The following LRRC40 variants were observed in gnomAD, a reference collection of about 807,000 sequenced individuals.
The protein encoded by LRRC40 is leucine-rich repeat-containing protein 40.
LRRC40 carries 76 observed loss-of-function variants against 72.8 expected under a neutral mutation model. The observed-to-expected ratio is 1.04, with a 90% CI of 0.87 to 1.26. The LOEUF is 1.26. Ranked by LOEUF, LRRC40 falls within the 50% of genes most tolerant of loss-of-function variation. The pLI is 0.00. For synonymous variants in LRRC40, 243 were observed against 254.2 expected (o/e 0.96, Z 0.42); for missense variants, 684 against 698.9 (o/e 0.98, Z 0.24).
intron 1 of LRRC40, 131 bp from the exon 2 acceptor site, chr1:70,189,404 AAAAT>A: frequency 2.8e-6 from 2 of 724,676 alleles, no homozygotes. Context: ...TCTAAAACAA[AAAAT>A]AAGTTAAATA....
At chr1:70,181,008 CTA>C in intron 5 of LRRC40, 76 bp downstream of exon 5, 5 of 1,065,436 alleles carry the variant, frequency 4.7e-6, no homozygotes, top group Non-Finnish European at 6.5e-6. Flanking sequence ...TTCTCTGTAA[CTA>C]TATTAAAAAT....
rs149347538 is a variant in LRRC40, at chr1:70,190,502, A to T, written c.152-1229T>A. On this transcript the variant is annotated intron_variant, in intron 1 of 14. Coordinates refer to ENST00000370952, the MANE Select transcript of LRRC40 (RefSeq NM_017768.5). ...TTGAGACCAGCCTAGGCATCAAAGA[A>T]AAACCATATCTCTTAAAAAAAAAAA... 2.8e-3 allele frequency among the ~76,000 whole-genome samples: 419 copies of T among 151,256 alleles called. 3 individuals are homozygous for T. The highest frequency in any genetic ancestry group is 9.8e-3 in the African/African-American group (403 of 41,036).
intron 9 of LRRC40, among the ~76,000 whole-genome samples, chr1:70,165,417 T>G (rs1667860553): frequency 1.3e-5 from 2 of 152,348 alleles, no homozygotes; most frequent in Non-Finnish European, 2.9e-5. Flanking sequence ...GTGGACCACA[T>G]TTCTACATTT....
chr1:70,194,523 C>G (rs1668567244), intron 1 of LRRC40, among the ~76,000 whole-genome samples: 2 of 152,054 alleles, frequency 1.3e-5, no homozygotes. Context: ...CTTATAGATT[C>G]AGCACAATCC....
At chr1:70,163,384 G>A (rs1667808524) in intron 9 of LRRC40, among the ~76,000 whole-genome samples, 1 of 152,088 alleles carries the variant, frequency 6.6e-6, no homozygotes, top group African/African-American at 2.4e-5. Flanking sequence ...ACCACCCCCA[G>A]CCTGCATTCC....
intron 4 of LRRC40, among the ~76,000 whole-genome samples, chr1:70,181,990 T>C (rs1233372823): frequency 6.6e-6 from 1 of 151,994 alleles, no homozygotes; most frequent in African/African-American, 2.4e-5. Context: ...ATGGCAACAA[T>C]GAATAAGATT....
intron 10 of LRRC40, among the ~76,000 whole-genome samples, chr1:70,158,127 A>AT (rs397935616): frequency 6.8e-6 from 1 of 146,698 alleles, no homozygotes; most frequent in East Asian, 2.1e-4. Context: ...AAAAAAAAAA[A>AT]GCTAAGTTGC....
chr1:70,181,640 T>G (rs1166230066), intron 4 of LRRC40, among the ~76,000 whole-genome samples: 1 of 151,838 alleles, frequency 6.6e-6, no homozygotes, highest in Non-Finnish European at 1.5e-5. Flanking sequence ...AAAGAAAAAT[T>G]CCTGAGAAAA....
rs575268196 is a variant in LRRC40 at position 70,164,845 on chromosome 1, A to T, written c.1112-5407T>A. 3.3e-3 allele frequency among the ~76,000 whole-genome samples: 496 copies of T among 152,362 alleles called. 6 individuals are homozygous for T. The highest frequency in any genetic ancestry group is 0.031 in the South Asian group (150 of 4,828). On this transcript the variant is annotated intron_variant, in intron 9 of 14. Coordinates refer to ENST00000370952, the MANE Select transcript of LRRC40 (RefSeq NM_017768.5). ...TTATAAACAATAAAAACAAATTTTT[A>T]AATTATAGTCCATTGATATTTACCT...
In LRRC40 at chr1:70,175,958, T is replaced by C. The variant is rs751171510; in HGVS notation, c.829A>G (p.Ile277Val). ...LKELHVGENQ[I>V]EMLEAEHLKH... ...AGATGTTCTGCCTCTAACATTTCAA[T>C]CTGGTTTTCACCTACGTGCAATTCC... is the stretch of plus-strand genomic sequence containing the variant. The change falls in exon 7 of 15, where the codon ATT (isoleucine) becomes GTT (valine). Residue 277 changes from isoleucine (I) to valine (V), a missense_variant. Transcript: ENST00000370952. 3.8e-6 allele frequency: 6 copies of C among 1,581,474 alleles called. No individual in the cohort carries two copies. The South Asian group carries it at 7.1e-5, about 19-fold the overall frequency.
chr1:70,172,314 G>A (rs145571934), intron 9 of LRRC40, among the ~76,000 whole-genome samples: 2 of 152,196 alleles, frequency 1.3e-5, no homozygotes, highest in Non-Finnish European at 2.9e-5. Context: ...AGCCCAAACT[G>A]ACTAAACAAC....
intron 9 of LRRC40, among the ~76,000 whole-genome samples, chr1:70,171,521 A>T (rs1383859569): frequency 6.6e-6 from 1 of 152,186 alleles, no homozygotes; most frequent in East Asian, 1.9e-4. Context: ...AAAAATAGAC[A>T]AAGAATCTGA....
At chr1:70,203,085 C>T (rs893344006) in intron 1 of LRRC40, among the ~76,000 whole-genome samples, 2 of 152,144 alleles carry the variant, frequency 1.3e-5, no homozygotes, top group African/African-American at 4.8e-5. Flanking sequence ...GAGATGGGGT[C>T]TCACTATGTT....
chr1:70,169,507 C>T (rs979312912), intron 9 of LRRC40, among the ~76,000 whole-genome samples: 2 of 152,054 alleles, frequency 1.3e-5, no homozygotes, highest in African/African-American at 4.8e-5. Context: ...TGAAACTAAA[C>T]GCTCATCCTT....
intron 5 of LRRC40, chr1:70,180,164 T>C (rs1311555961): frequency 6.6e-6 from 1 of 152,224 alleles, no homozygotes; most frequent in African/African-American, 2.4e-5. Context: ...TCTCACTATG[T>C]TGCCCAGGCT....
chr1:70,170,984 G>A (rs1553213850), intron 9 of LRRC40, among the ~76,000 whole-genome samples: 1 of 152,148 alleles, frequency 6.6e-6, no homozygotes, highest in Non-Finnish European at 1.5e-5. Context: ...AATCAAGACA[G>A]TGTGGAACTG....
At chr1:70,150,351 T>C (rs1667445326) in intron 13 of LRRC40, among the ~76,000 whole-genome samples, 1 of 152,214 alleles carries the variant, frequency 6.6e-6, no homozygotes, top group Non-Finnish European at 1.5e-5. Flanking sequence ...TAATTTACTA[T>C]TTATGCATAC....
At chr1:70,178,292 T>C (rs1400424694) in intron 6 of LRRC40, among the ~76,000 whole-genome samples, 1 of 152,238 alleles carries the variant, frequency 6.6e-6, no homozygotes, top group Non-Finnish European at 1.5e-5. Context: ...AATTATCAGA[T>C]GGAAAATTAT....
At chr1:70,191,703 T>C (rs562611220) in intron 1 of LRRC40, among the ~76,000 whole-genome samples, 2 of 152,232 alleles carry the variant, frequency 1.3e-5, no homozygotes, top group South Asian at 4.1e-4. Flanking sequence ...CTAAAAAGCA[T>C]ATATAGTCTT....
Sources: allele counts gnomAD v4.1 joint callset (sites outside exome capture counted in the v4.1 genomes callset), GRCh38; gene constraint gnomAD v4.1.1; transcripts MANE v1.5; gene names NCBI Gene and HGNC (gene_info 2026-07-23, HGNC 2026-07-21).